Variants in LRRC40 observed in about 807,000 individuals in gnomAD.
LRRC40 encodes leucine-rich repeat-containing protein 40.
In LRRC40, 76 loss-of-function variants were observed where a neutral mutation model predicts 72.8. The observed-to-expected ratio is 1.04, with a 90% CI of 0.87 to 1.26. The LOEUF is 1.26. LRRC40 is among the 50% of genes most tolerant of loss of function. The pLI is 0.00. For synonymous variants in LRRC40, 243 were observed against 254.2 expected, an observed-to-expected ratio of 0.96 and a Z score of 0.42; for missense variants, 684 against 698.9, an observed-to-expected ratio of 0.98 and a Z score of 0.24.
At chr1:70,183,120 T>C (rs1668281520) in intron 4 of LRRC40, among the ~76,000 whole-genome samples, 1 of 152,152 alleles carries the variant, frequency 6.6e-6, no homozygotes, top group African/African-American at 2.4e-5. Context: ...AAGGAATGGT[T>C]GAGAAGAGTA....
chr1:70,145,635 T>G lies in LRRC40; in HGVS notation c.*165A>C. 2.3e-6 allele frequency: 1 copy of G among 431,406 alleles called. No homozygotes were observed. 26.7% of individuals were successfully genotyped at this position (431,406 alleles called of 1,614,324 possible). A position where few individuals can be genotyped will look rare whatever the true frequency, so the allele number is the denominator to read the frequency against. On this transcript the variant is annotated 3_prime_UTR_variant, in exon 15 of 15. Transcript: ENST00000370952. ...AAAATGTAAAAATATTTACTGGCAG[T>G]GAATATGGCCCAGGCTAATTATACC...
At chr1:70,147,835 A>G (rs548186791) in intron 14 of LRRC40, 4 of 152,288 alleles carry the variant, frequency 2.6e-5, no homozygotes, top group Admixed American at 6.5e-5. Context: ...CGATACCTCA[A>G]ACCTCCTTTA....
At chr1:70,176,817 A>T (rs1411378926) in intron 6 of LRRC40, among the ~76,000 whole-genome samples, 2 of 152,006 alleles carry the variant, frequency 1.3e-5, no homozygotes, top group Admixed American at 6.6e-5. Context: ...TTTAAAAAAT[A>T]AAAAAAAGTT....
At chr1:70,192,673 A>G (rs552010236) in intron 1 of LRRC40, among the ~76,000 whole-genome samples, 1 of 152,268 alleles carries the variant, frequency 6.6e-6, no homozygotes, top group African/African-American at 2.4e-5. Flanking sequence ...AGGAACATGG[A>G]TGGAGCTGGA....
At chr1:70,149,693 A>G (rs1431059370) in intron 13 of LRRC40, among the ~76,000 whole-genome samples, 1 of 152,192 alleles carries the variant, frequency 6.6e-6, no homozygotes, top group African/African-American at 2.4e-5. Flanking sequence ...TAATGACAAT[A>G]ATGGTGCAAT....
At chr1:70,163,258 G>A (rs186772380) in intron 9 of LRRC40, among the ~76,000 whole-genome samples, 247 of 151,958 alleles carry the variant, frequency 1.6e-3, no homozygotes, top group Non-Finnish European at 1.9e-3. Context: ...CCAGCTAATT[G>A]CTGTATTTTT....
In LRRC40 at chr1:70,196,059, C is replaced by A. The variant is rs1006070348; in HGVS notation, c.152-6786G>T. Among the ~76,000 whole-genome samples, 3 of 151,716 alleles carry A rather than the reference C, an allele frequency of 2.0e-5. No homozygotes were observed. In the East Asian group the frequency reaches 5.8e-4, roughly 29 times the overall value. ...TCCATCATCTTATCTCACCACTGTC[C>A]AAGACACAGACACACCTTCCATTTG... is the stretch of plus-strand genomic sequence containing the variant. On this transcript the variant is annotated intron_variant, in intron 1 of 14. Transcript: ENST00000370952.
rs1002342873 is a variant in LRRC40, at chr1:70,185,046, C to A, written c.408-132G>T. 39 of 649,246 alleles carry A rather than the reference C, an allele frequency of 6.0e-5. No individual in the cohort carries two copies. In the African/African-American group the frequency reaches 6.6e-4, roughly 11 times the overall value. The allele number at this position is 649,246 out of a possible 1,614,324, so 40.2% of individuals were successfully genotyped here. A position where few individuals can be genotyped will look rare whatever the true frequency, so the allele number is the denominator to read the frequency against. ...ATAGTTACTAACTTTAAGTACTTAT[C>A]AAAATTCATATCCAAAAATATGTAC... On this transcript the variant is annotated intron_variant, in intron 3 of 14. Transcript: ENST00000370952.
chr1:70,192,660 T>C (rs1423865711), intron 1 of LRRC40, among the ~76,000 whole-genome samples: 2 of 152,136 alleles, frequency 1.3e-5, no homozygotes, highest in Non-Finnish European at 2.9e-5. Flanking sequence ...TCATGCCTTT[T>C]TCAGGAACAT....
chr1:70,179,532 G>C (rs544933059), intron 5 of LRRC40, among the ~76,000 whole-genome samples: 67 of 152,076 alleles, frequency 4.4e-4, no homozygotes, highest in Non-Finnish European at 9.3e-4. Context: ...CTCTGTTAAA[G>C]TACAACTAAA....
At chr1:70,205,063 A>G (rs1571512484) in intron 1 of LRRC40, among the ~76,000 whole-genome samples, 1 of 152,214 alleles carries the variant, frequency 6.6e-6, no homozygotes, top group East Asian at 1.9e-4. Context: ...CCAAAGAAAC[A>G]AAAGATTTGC....
chr1:70,176,531 C>CAAAAAAAAAAAAAAAAAAAAAAAAAAAA (rs368720423), intron 6 of LRRC40, among the ~76,000 whole-genome samples: 1 of 29,722 alleles, frequency 3.4e-5, no homozygotes, highest in Non-Finnish European at 7.6e-5. Context: ...GAATCCATCT[C>CAAAAAAAAAAAAAAAAAAAAAAAAAAAA]AAAAAAAAAA....
intron 10 of LRRC40, among the ~76,000 whole-genome samples, chr1:70,157,544 T>C (rs920171380): frequency 1.3e-5 from 2 of 152,152 alleles, no homozygotes; most frequent in East Asian, 3.9e-4. Context: ...TTATAGATTG[T>C]CTGCATGATT....
chr1:70,166,351 G>C (rs968862181), intron 9 of LRRC40, among the ~76,000 whole-genome samples: 1 of 152,012 alleles, frequency 6.6e-6, no homozygotes, highest in Non-Finnish European at 1.5e-5. Context: ...AAGAAGCAGA[G>C]CAACAAATAA....
chr1:70,205,554 G>A lies in LRRC40; in HGVS notation c.-14C>T, dbSNP rs1441063946. On this transcript the variant is annotated 5_prime_UTR_variant, in exon 1 of 15. Coordinates refer to ENST00000370952, the MANE Select transcript of LRRC40 (RefSeq NM_017768.5). The stretch of plus-strand genomic sequence containing the variant: ...CAGGCGCGACATGTTCAAAGTCCTA[G>A]GTCCAGAAGCTGCAGCCCCACCCGT... The A allele has an allele frequency of 6.3e-7, 1 of 1,580,290 alleles. No homozygotes were observed. The highest frequency in any genetic ancestry group is 1.3e-5 in the African/African-American group (1 of 74,482).
intron 2 of LRRC40, 149 bp downstream of exon 2, chr1:70,188,942 CT>C (rs1668428342): frequency 1.6e-6 from 1 of 610,790 alleles, no homozygotes; most frequent in Admixed American, 3.5e-5. Flanking sequence ...TGATCCTGCA[CT>C]TTTAACCATT....
rs375403903 is a variant in LRRC40 at position 70,198,120 on chromosome 1, T to C, written c.151+7270A>G. ...TATACATATTGAATAGGGCAAATTCTCATTACCCTAAAATAGTAGGTTTTC... is the reference window on the plus strand; with the variant it reads ...TATACATATTGAATAGGGCAAATTCCCATTACCCTAAAATAGTAGGTTTTC... On this transcript the variant is annotated intron_variant, in intron 1 of 14. Coordinates refer to ENST00000370952, the MANE Select transcript of LRRC40 (RefSeq NM_017768.5). Among the ~76,000 whole-genome samples the C allele has an allele frequency of 5.9e-5, 9 of 152,264 alleles. No individual in the cohort carries two copies. The East Asian group carries it at 1.7e-3, about 29-fold the overall frequency.
intron 9 of LRRC40, among the ~76,000 whole-genome samples, chr1:70,165,553 C>T (rs1667863025): frequency 6.6e-6 from 1 of 152,130 alleles, no homozygotes; most frequent in South Asian, 2.1e-4. Flanking sequence ...AAGTTTTTAT[C>T]TCATTTTACC....
rs1667368494 is a variant in LRRC40 at position 70,148,390 on chromosome 1, A to G, written c.1703+97T>C. 3.0e-6 allele frequency: 3 copies of G among 997,510 alleles called. 1 individual carries two copies. The highest frequency in any genetic ancestry group is 3.6e-5 in the South Asian group (2 of 56,182). The allele number at this position is 997,510 out of a possible 1,614,324, so 61.8% of individuals were successfully genotyped here. The stretch of plus-strand genomic sequence containing the variant: ...TTTTTAACAGGATATTAAATCTGTT[A>G]CTTTAACTTCTTGCAAATTTATCTG... On this transcript the variant is annotated intron_variant, in intron 14 of 14. Coordinates refer to ENST00000370952, the MANE Select transcript of LRRC40 (RefSeq NM_017768.5).
Sources: allele counts gnomAD v4.1 joint callset (sites outside exome capture counted in the v4.1 genomes callset), GRCh38; gene constraint gnomAD v4.1.1; transcripts MANE v1.5; gene names NCBI Gene and HGNC (gene_info 2026-07-23, HGNC 2026-07-21).